PCDHA2: variants seen among roughly 807,000 people sequenced by gnomAD.
PCDHA2 encodes protocadherin alpha-2.
A neutral mutation model predicts 66.0 loss-of-function variants in PCDHA2; 58 were observed. The observed-to-expected ratio is 0.88, with a 90% CI of 0.71 to 1.09. The LOEUF is 1.09. PCDHA2 is among the 50% of genes least tolerant of loss of function. The pLI is 0.00. For missense variants in PCDHA2, 1,267 were observed against 1,242.3 expected, an observed-to-expected ratio of 1.02 and a Z score of -0.30; for synonymous variants, 634 against 554.0, an observed-to-expected ratio of 1.14 and a Z score of -2.03.
chr5:140,982,089 C>A (rs2096965506), intron 2 of PCDHA2, among the ~76,000 whole-genome samples: 1 of 152,220 alleles, frequency 6.6e-6, no homozygotes, highest in Non-Finnish European at 1.5e-5. Context: ...AACCTAGGAA[C>A]AAGAGAACCT....
At chr5:140,856,100 C>T (rs782183125) in intron 1 of PCDHA2, 2 of 1,597,876 alleles carry the variant, frequency 1.3e-6, no homozygotes, top group Non-Finnish European at 1.7e-6. Context: ...GCTCTCGCTT[C>T]TTCTCCTCGC....
chr5:140,954,316 C>T (rs1406547197), intron 1 of PCDHA2, among the ~76,000 whole-genome samples: 6 of 152,140 alleles, frequency 3.9e-5, no homozygotes, highest in South Asian at 4.1e-4. Context: ...GGGATTGCTG[C>T]GTCAAATGGT....
In PCDHA2 at chr5:140,795,632, C is replaced by T. The variant is rs1554119510; in HGVS notation, c.668C>T (p.Thr223Met). The change falls in exon 1 of 4, where the codon ACG becomes ATG. Residue 223 changes from threonine to methionine, a missense_variant. Coordinates refer to ENST00000526136, the MANE Select transcript of PCDHA2 (RefSeq NM_018905.3). ...VATDGGKPEL[T>M]GTVQILIKVL... ...ACTGATGGGGGCAAACCTGAGCTCA[C>T]GGGCACCGTTCAAATACTTATTAAG... 1.9e-6 allele frequency: 3 copies of T among 1,613,994 alleles called. No homozygotes were observed. The highest frequency in any genetic ancestry group is 1.7e-5 in the Admixed American group (1 of 59,996).
At chr5:141,009,584 AT>A in intron 3 of PCDHA2, 42 bp from the exon 4 acceptor site, 1 of 1,592,004 alleles carries the variant, frequency 6.3e-7, no homozygotes, top group Non-Finnish European at 8.6e-7. Flanking sequence ...CATCAAGAGC[AT>A]GTGTTGACCC....
intron 1 of PCDHA2, chr5:140,883,519 C>A: frequency 6.2e-7 from 1 of 1,614,190 alleles, no homozygotes; most frequent in Non-Finnish European, 8.5e-7. Flanking sequence ...ACCGCGAGAG[C>A]GTATCAGCCT....
chr5:140,929,436 C>T, intron 1 of PCDHA2: 1 of 1,470,330 alleles, frequency 6.8e-7, no homozygotes, highest in Non-Finnish European at 9.1e-7. Context: ...TTGAACTAAA[C>T]ACTCCTTCTT....
intron 1 of PCDHA2, chr5:140,969,308 A>G (rs782412499): frequency 1.9e-6 from 3 of 1,614,196 alleles, no homozygotes; most frequent in Middle Eastern, 3.3e-4. Context: ...TATTCTCAAA[A>G]ATGAGGCTGT....
At chr5:140,840,784 A>G (rs1776867902) in intron 1 of PCDHA2, among the ~76,000 whole-genome samples, 1 of 152,094 alleles carries the variant, frequency 6.6e-6, no homozygotes, top group East Asian at 1.9e-4. Context: ...TTAGAATTAT[A>G]TGCTCACCTC....
At chr5:140,987,223 A>C (rs1269747690) in intron 3 of PCDHA2, among the ~76,000 whole-genome samples, 1 of 151,456 alleles carries the variant, frequency 6.6e-6, no homozygotes, top group African/African-American at 2.4e-5. Flanking sequence ...CAAAAAAAAA[A>C]AAAATAATAA....
At chr5:140,921,078 C>A (rs2153559626) in intron 1 of PCDHA2, among the ~76,000 whole-genome samples, 1 of 151,870 alleles carries the variant, frequency 6.6e-6, no homozygotes, top group East Asian at 2.0e-4. Context: ...CTCTTGGGCT[C>A]AAGAGAATCC....
intron 1 of PCDHA2, chr5:140,802,659 G>A (rs1581653520): frequency 6.2e-7 from 1 of 1,613,582 alleles, no homozygotes; most frequent in Non-Finnish European, 8.5e-7. Context: ...GCAGGAGAAC[G>A]CCCTGGTGTC....
At chr5:140,871,719 T>C in intron 1 of PCDHA2, 1 of 783,566 alleles carries the variant, frequency 1.3e-6, no homozygotes, top group Non-Finnish European at 1.9e-6. Context: ...CCTATTTCTC[T>C]TAATATTTGG....
At chr5:140,893,951 T>TTA (rs2064251628) in intron 1 of PCDHA2, among the ~76,000 whole-genome samples, 1 of 152,184 alleles carries the variant, frequency 6.6e-6, no homozygotes, top group Admixed American at 6.5e-5. Context: ...CTGCATGACT[T>TTA]TATTAGTCAT....
At chr5:140,834,587 C>T (rs2150222038) in intron 1 of PCDHA2, 4 of 1,614,120 alleles carry the variant, frequency 2.5e-6, no homozygotes, top group Admixed American at 3.3e-5. Context: ...GGGCGGTGTG[C>T]AAATTCCGTG....
chr5:140,834,707 G>T, intron 1 of PCDHA2: 1 of 1,614,262 alleles, frequency 6.2e-7, no homozygotes, highest in Non-Finnish European at 8.5e-7. Flanking sequence ...ACCTGGAGGT[G>T]ATCGTGGAAA....
chr5:140,849,643 G>A, intron 1 of PCDHA2: 1 of 1,598,612 alleles, frequency 6.3e-7, no homozygotes, highest in Non-Finnish European at 8.6e-7. Flanking sequence ...GATGCCAACG[G>A]GCAGGTTACC....
intron 1 of PCDHA2, among the ~76,000 whole-genome samples, chr5:140,946,629 T>TATATATATATATATATATAC (rs1367833800): frequency 1.4e-4 from 17 of 123,272 alleles, no homozygotes; most frequent in African/African-American, 5.1e-4. Context: ...TATATATATA[T>TATATATATATATATATATAC]ATACAATGGA....
chr5:141,007,311 G>T (rs1268953957), intron 3 of PCDHA2, among the ~76,000 whole-genome samples: 1 of 151,596 alleles, frequency 6.6e-6, no homozygotes, highest in Non-Finnish European at 1.5e-5. Context: ...AGCATTTTGG[G>T]AGGCTAAAGT....
chr5:140,979,391 T>C (rs1298274291), intron 2 of PCDHA2, among the ~76,000 whole-genome samples: 1 of 152,202 alleles, frequency 6.6e-6, no homozygotes, highest in Non-Finnish European at 1.5e-5. Context: ...AATGTATACA[T>C]ACATGTTGTC....
Sources: gnomAD v4.1 joint callset for allele counts (sites outside exome capture counted in the v4.1 genomes callset) on GRCh38, gnomAD v4.1.1 for gene constraint, MANE v1.5 for transcripts, NCBI Gene and HGNC (gene_info 2026-07-23, HGNC 2026-07-21) for gene names.